Variants in GFM1 observed in about 807,000 individuals in gnomAD.
The protein encoded by GFM1 is G elongation factor mitochondrial 1.
Under a neutral mutation model 96.2 loss-of-function variants are expected in GFM1, and 62 were observed. That is an observed-to-expected ratio of 0.64 (90% CI 0.53 to 0.80). The LOEUF is 0.80. GFM1 is among the 30% of genes least tolerant of loss of function. GFM1 has a pLI of 0.00. For missense variants in GFM1, 852 were observed against 916.6 expected (o/e 0.93, Z 0.91); for synonymous variants, 282 against 312.9 (o/e 0.90, Z 1.04).
Position 158,652,232 on chromosome 3 carries a change from A to AT in GFM1, c.829dup (p.Ser277PhefsTer2), listed in dbSNP as rs771865940. 1.4e-5 allele frequency: 22 copies of AT among 1,614,134 alleles called. No individual in the cohort carries two copies. Among genetic ancestry groups the AT allele is most frequent in the Non-Finnish European group, 1.4e-5 (16 of 1,179,988 alleles). On this transcript the variant is annotated frameshift_variant, in exon 6 of 18. Transcript: ENST00000486715. LOFTEE classifies it high-confidence loss of function. ...GTTTCTGGAAGAAAAAATCCCCTCG[A>AT]TTTCTGATTTAAAGGCAAGTGCTTT...
At chr3:158,651,661 T>C (rs1274151869) in intron 5 of GFM1, among the ~76,000 whole-genome samples, 2 of 152,230 alleles carry the variant, frequency 1.3e-5, no homozygotes, top group Non-Finnish European at 2.9e-5. Flanking sequence ...TAGGTGATAC[T>C]TTGTCAAGTC....
At chr3:158,682,481 A>C in intron 14 of GFM1, 1 of 273,208 alleles carries the variant, frequency 3.7e-6, no homozygotes, top group South Asian at 4.4e-5. Flanking sequence ...TATGTGTACT[A>C]TTGCAGCAGA....
intron 8 of GFM1, among the ~76,000 whole-genome samples, chr3:158,655,112 T>C (rs535598635): frequency 1.1e-4 from 16 of 152,308 alleles, no homozygotes; most frequent in African/African-American, 3.6e-4. Flanking sequence ...AGCGAATTAA[T>C]GTTAGCTTCA....
chr3:158,679,964 AT>A (rs1381587756), intron 13 of GFM1, among the ~76,000 whole-genome samples: 4 of 152,326 alleles, frequency 2.6e-5, no homozygotes, highest in African/African-American at 9.6e-5. Context: ...AAAAGTACAC[AT>A]ACCAATTTAG....
intron 13 of GFM1, among the ~76,000 whole-genome samples, chr3:158,676,194 A>G (rs1271368717): frequency 6.6e-6 from 1 of 152,160 alleles, no homozygotes; most frequent in African/African-American, 2.4e-5. Context: ...ACTTGAGCAC[A>G]GGGAGGAGGT....
At chr3:158,669,708 G>A in intron 13 of GFM1, 1 of 1,184,020 alleles carries the variant, frequency 8.4e-7, no homozygotes. Context: ...TCCTAATGGT[G>A]TTGTTTTAGA....
rs754703720 is a variant in GFM1 at position 158,654,672 on chromosome 3, T to C, written c.1083+41T>C. On this transcript the variant is annotated intron_variant, in intron 8 of 17. Coordinates refer to ENST00000486715, the MANE Select transcript of GFM1 (RefSeq NM_024996.7). ...ATGTATTTAACTGCTATCTGTAGAA[T>C]GTTTTTACTTCTAGGCTTTATTCCT... 1.5e-5 allele frequency: 19 copies of C among 1,244,490 alleles called. No homozygotes were observed. In the Middle Eastern group the frequency reaches 5.6e-4, roughly 37 times the overall value. The allele number at this position is 1,244,490 out of a possible 1,614,324, so 77.1% of individuals were successfully genotyped here.
rs2115940 is a variant in GFM1 at position 158,666,093 on chromosome 3, T to C, written c.1519-211T>C. 0.41 allele frequency among the ~76,000 whole-genome samples: 62,299 copies of C among 152,010 alleles called. 13,785 individuals are homozygous for C. Among genetic ancestry groups the C allele is most frequent in the African/African-American group, 0.58 (24,070 of 41,430 alleles). On this transcript the variant is annotated intron_variant, in intron 12 of 17. Coordinates refer to ENST00000486715, the MANE Select transcript of GFM1 (RefSeq NM_024996.7). ...TTAATTGGAGGTAAATATAAATTAA[T>C]CAATGTAACTTAGAATTCATTTATA... is the stretch of plus-strand genomic sequence containing the variant.
At chr3:158,686,282 CATATAAAGT>C (rs1725833436) in intron 15 of GFM1, among the ~76,000 whole-genome samples, 1 of 144,180 alleles carries the variant, frequency 6.9e-6, no homozygotes, top group South Asian at 2.2e-4. Context: ...ATATATAAAC[CATATAAAGT>C]ATATATATAA....
At chr3:158,678,566 G>T (rs1000463556) in intron 13 of GFM1, among the ~76,000 whole-genome samples, 1 of 152,252 alleles carries the variant, frequency 6.6e-6, no homozygotes. Context: ...GGAACCTGAA[G>T]ATGTGACTGA....
At chr3:158,678,476 A>T (rs142802718) in intron 13 of GFM1, among the ~76,000 whole-genome samples, 4 of 152,210 alleles carry the variant, frequency 2.6e-5, no homozygotes, top group Non-Finnish European at 4.4e-5. Context: ...TCCAACCCTC[A>T]TGGATGACTC....
intron 16 of GFM1, chr3:158,690,578 G>A: frequency 6.6e-6 from 3 of 454,170 alleles, no homozygotes; most frequent in South Asian, 2.7e-5. Flanking sequence ...AAGCACAGAT[G>A]GACAAATTAA....
At chr3:158,676,632 G>T (rs572986765) in intron 13 of GFM1, among the ~76,000 whole-genome samples, 1 of 150,794 alleles carries the variant, frequency 6.6e-6, no homozygotes, top group African/African-American at 2.4e-5. Context: ...CAGATAGTAT[G>T]TTTTTTACAA....
intron 8 of GFM1, chr3:158,656,112 G>C (rs1335586642): frequency 7.9e-6 from 2 of 251,580 alleles, no homozygotes; most frequent in African/African-American, 2.3e-5. Flanking sequence ...CCAAGGTACA[G>C]ACTTGCAGCA....
At chr3:158,669,357 C>T (rs1429306474) in intron 13 of GFM1, 9 of 1,424,700 alleles carry the variant, frequency 6.3e-6, no homozygotes, top group East Asian at 4.6e-5. Context: ...TAGCAACTAA[C>T]AATTTTAAGC....
chr3:158,672,254 G>A, intron 13 of GFM1: 1 of 1,473,722 alleles, frequency 6.8e-7, no homozygotes, highest in East Asian at 2.3e-5. Flanking sequence ...GTAGGGGGTG[G>A]CACGGAGTGT....
At chr3:158,684,115 A>G (rs987272061) in intron 14 of GFM1, among the ~76,000 whole-genome samples, 3 of 152,148 alleles carry the variant, frequency 2.0e-5, no homozygotes, top group Non-Finnish European at 4.4e-5. Context: ...AAAACCAAAT[A>G]CCACATGTTC....
At chr3:158,660,008 C>G (rs4680453) in intron 9 of GFM1, among the ~76,000 whole-genome samples, 87,383 of 152,022 alleles carry the variant, frequency 0.57, 25,857 homozygotes, top group African/African-American at 0.71. Flanking sequence ...CAATGTAAAA[C>G]GACAAAAACT....
rs1183252114 is a variant in GFM1 at position 158,695,200 on chromosome 3, C to T, written c.*3733C>T. Among the ~76,000 whole-genome samples the T allele has an allele frequency of 1.3e-5, 2 of 151,836 alleles. No homozygotes were observed. The highest frequency in any genetic ancestry group is 3.9e-4 in the East Asian group (2 of 5,130). On this transcript the variant is annotated 3_prime_UTR_variant, in exon 18 of 18. Transcript: ENST00000486715. ...ACCACCCTGGCCAACACGGTGAAAC[C>T]CCGTCTCTACTATAAATACAAAAAT... is the stretch of plus-strand genomic sequence containing the variant.
Sources: gnomAD v4.1 joint callset for allele counts (sites outside exome capture counted in the v4.1 genomes callset) on GRCh38, gnomAD v4.1.1 for gene constraint, MANE v1.5 for transcripts, NCBI Gene and HGNC (gene_info 2026-07-23, HGNC 2026-07-21) for gene names.